Variants in LAPTM4B observed in about 807,000 individuals in gnomAD.
LAPTM4B encodes the protein lysosomal-associated transmembrane protein 4B.
In LAPTM4B, 26 loss-of-function variants were observed where a neutral mutation model predicts 28.5. The observed-to-expected ratio is 0.91, with a 90% CI of 0.67 to 1.27. The LOEUF is 1.27. LAPTM4B is among the 50% of genes most tolerant of loss of function. The pLI is 0.00. For missense variants in LAPTM4B, 288 were observed against 285.8 expected, an observed-to-expected ratio of 1.01 and a Z score of -0.06; for synonymous variants, 109 against 106.4, an observed-to-expected ratio of 1.02 and a Z score of -0.15.
chr8:97,793,522 T>C (rs1816536883), intron 1 of LAPTM4B, among the ~76,000 whole-genome samples: 1 of 152,234 alleles, frequency 6.6e-6, no homozygotes, highest in African/African-American at 2.4e-5. Flanking sequence ...AAAATCGGAT[T>C]GTTCAAATGA....
At chr8:97,780,603 A>G (rs1028753388) in intron 1 of LAPTM4B, among the ~76,000 whole-genome samples, 1 of 152,132 alleles carries the variant, frequency 6.6e-6, no homozygotes, top group Non-Finnish European at 1.5e-5. Context: ...GATACTTTGC[A>G]TAAGGTTAAT....
intron 6 of LAPTM4B, among the ~76,000 whole-genome samples, chr8:97,831,586 G>C (rs1385627415): frequency 5.3e-5 from 8 of 152,184 alleles, no homozygotes; most frequent in Non-Finnish European, 8.8e-5. Flanking sequence ...CATGGAAGTG[G>C]TCATGAAAGG....
rs373392855 is a variant in LAPTM4B at position 97,818,168 on chromosome 8, G to A, written c.409-972G>A. 3.9e-5 allele frequency among the ~76,000 whole-genome samples: 6 copies of A among 152,242 alleles called. No homozygotes were observed. In the East Asian group the frequency reaches 1.2e-3, roughly 29 times the overall value. On this transcript the variant is annotated intron_variant, in intron 4 of 6. Coordinates refer to ENST00000521545, the MANE Select transcript of LAPTM4B (RefSeq NM_018407.6). The stretch of plus-strand genomic sequence containing the variant: ...GCATGATCTGATCACAAAGAATGAC[G>A]ATTTTATTTCTTAGATATTTTGTCC...
intron 1 of LAPTM4B, among the ~76,000 whole-genome samples, chr8:97,777,931 C>A (rs923610542): frequency 3.3e-5 from 5 of 152,186 alleles, no homozygotes; most frequent in Non-Finnish European, 5.9e-5. Flanking sequence ...CTTGCAAGTA[C>A]ATCAGAGAAC....
intron 1 of LAPTM4B, among the ~76,000 whole-genome samples, chr8:97,788,015 T>A (rs1816434303): frequency 6.6e-6 from 1 of 152,116 alleles, no homozygotes; most frequent in Non-Finnish European, 1.5e-5. Flanking sequence ...TGTATTTCTT[T>A]TTTAAAATAA....
intron 1 of LAPTM4B, among the ~76,000 whole-genome samples, chr8:97,797,665 A>G (rs1816612350): frequency 6.7e-6 from 1 of 149,980 alleles, no homozygotes; most frequent in Non-Finnish European, 1.5e-5. Flanking sequence ...TAATTACTGT[A>G]TCAGTGGGTT....
At position 97,816,142 on chromosome 8, in the gene LAPTM4B, A is replaced by T. The variant is rs1312335913; in HGVS notation, c.370A>T (p.Ile124Phe). 1.9e-6 allele frequency: 3 copies of T among 1,613,764 alleles called. No homozygotes were observed. The Admixed American group carries it at 5.0e-5, about 27-fold the overall frequency. The change falls in exon 4 of 7, where the codon ATT (isoleucine) becomes TTT (phenylalanine). Residue 124 changes from isoleucine to phenylalanine, a missense_variant. By Grantham distance (21) the Ile-to-Phe change is conservative. Transcript: ENST00000521545. ...LNMLVAITVL[I>F]YPNSIQEYIR... is the part of the protein sequence containing the mutation. ...CATGTTGGTTGCAATCACTGTGCTTATTTATCCAAACTCCATTCAGGAATA... is the reference window on the plus strand; with the variant it reads ...CATGTTGGTTGCAATCACTGTGCTTTTTTATCCAAACTCCATTCAGGAATA...
intron 2 of LAPTM4B, among the ~76,000 whole-genome samples, chr8:97,809,692 C>T (rs1460471118): frequency 6.6e-6 from 1 of 151,978 alleles, no homozygotes; most frequent in Non-Finnish European, 1.5e-5. Context: ...AGAGCCAGAC[C>T]CTGTCTCAAA....
intron 6 of LAPTM4B, among the ~76,000 whole-genome samples, chr8:97,829,846 A>G (rs1817152559): frequency 1.3e-5 from 2 of 151,942 alleles, no homozygotes; most frequent in South Asian, 4.1e-4. Context: ...ATAGGCACGC[A>G]CCACCATTCC....
intron 1 of LAPTM4B, among the ~76,000 whole-genome samples, chr8:97,804,584 G>A (rs1046683871): frequency 6.6e-6 from 1 of 152,186 alleles, no homozygotes; most frequent in Non-Finnish European, 1.5e-5. Flanking sequence ...TACCCACTTC[G>A]TTAGGTTATT....
intron 1 of LAPTM4B, among the ~76,000 whole-genome samples, chr8:97,787,283 CTTTCTT>C (rs1563601414): frequency 8.3e-6 from 1 of 119,770 alleles, no homozygotes; most frequent in Admixed American, 1.1e-4. Context: ...GGAGATGTTT[CTTTCTT>C]TTTTTTTTTT....
At chr8:97,810,173 C>T (rs893815521) in intron 2 of LAPTM4B, among the ~76,000 whole-genome samples, 6 of 152,070 alleles carry the variant, frequency 3.9e-5, no homozygotes, top group South Asian at 2.1e-4. Context: ...TCGTCATTCT[C>T]GACGTCCCAA....
At chr8:97,787,442 G>T (rs1032475224) in intron 1 of LAPTM4B, among the ~76,000 whole-genome samples, 8 of 151,618 alleles carry the variant, frequency 5.3e-5, no homozygotes, top group Non-Finnish European at 1.0e-4. Flanking sequence ...CCCGCCACCA[G>T]GCCCAGCTAA....
intron 4 of LAPTM4B, 97 bp downstream of exon 4, chr8:97,816,277 G>T (rs537676392): frequency 1.6e-6 from 2 of 1,235,170 alleles, no homozygotes; most frequent in South Asian, 1.7e-5. Context: ...ATTAATTTCA[G>T]GATTTTTAGC....
At chr8:97,798,489 T>G in intron 1 of LAPTM4B, among the ~76,000 whole-genome samples, 1 of 152,168 alleles carries the variant, frequency 6.6e-6, no homozygotes, top group East Asian at 1.9e-4. Flanking sequence ...TGTCATATCT[T>G]TGTTTTATCT....
At chr8:97,840,438 A>G (rs1199317309) in intron 6 of LAPTM4B, among the ~76,000 whole-genome samples, 3 of 152,200 alleles carry the variant, frequency 2.0e-5, no homozygotes, top group Non-Finnish European at 4.4e-5. Flanking sequence ...GAGGATAAAA[A>G]TCTACCTCTA....
At chr8:97,850,148 G>C (rs1333787278) in intron 6 of LAPTM4B, among the ~76,000 whole-genome samples, 1 of 151,838 alleles carries the variant, frequency 6.6e-6, no homozygotes, top group Non-Finnish European at 1.5e-5. Context: ...CTCTTTCCCC[G>C]CCATGAGTCA....
intron 2 of LAPTM4B, 53 bp downstream of exon 2, chr8:97,805,517 A>G: frequency 2.1e-6 from 2 of 938,788 alleles, no homozygotes; most frequent in Non-Finnish European, 3.5e-6. Context: ...GACTGCCAGC[A>G]CTTCCTATTA....
chr8:97,847,203 T>C (rs1817447163), intron 6 of LAPTM4B, among the ~76,000 whole-genome samples: 2 of 152,230 alleles, frequency 1.3e-5, no homozygotes, highest in African/African-American at 4.8e-5. Flanking sequence ...AGAGTTCCAC[T>C]GTCATTCAGC....
Sources: gnomAD v4.1 joint callset for allele counts (sites outside exome capture counted in the v4.1 genomes callset) on GRCh38, gnomAD v4.1.1 for gene constraint, MANE v1.5 for transcripts, NCBI Gene and HGNC (gene_info 2026-07-23, HGNC 2026-07-21) for gene names.